The following USP24 variants were observed in gnomAD, a reference collection of about 807,000 sequenced individuals.
USP24 encodes ubiquitin carboxyl-terminal hydrolase 24.
A neutral mutation model predicts 361.6 loss-of-function variants in USP24; 97 were observed. That is an observed-to-expected ratio of 0.27 (90% CI 0.23 to 0.32). The LOEUF (loss-of-function observed/expected upper bound fraction) is 0.32. USP24 is among the 10% of genes least tolerant of loss of function. The probability of loss-of-function intolerance (pLI) is 1.00; values close to 1 mark genes in which losing one functional copy is unlikely to be tolerated. For synonymous variants in USP24, 1,098 were observed against 1,124.6 expected (o/e 0.98, Z 0.47); for missense variants, 2,353 against 3,165.6 (o/e 0.74, Z 6.16).
Position 55,092,060 on chromosome 1 carries a change from G to A in USP24, c.6517C>T (p.Leu2173Phe). Residue 2173 changes from leucine (L) to phenylalanine (F), a missense_variant, in exon 54 of 68, where the codon CTT becomes TTT. Coordinates refer to ENST00000294383, the MANE Select transcript of USP24 (RefSeq NM_015306.3). ...KVSLQLAIQFLFQTYLRTKKK... is the reference protein window; with the variant it reads ...KVSLQLAIQFFFQTYLRTKKK... ...TTTGTCCGTAGATAAGTTTGAAAAA[G>A]GAATTGAATAGCAAGCTGTAAGCTC... 1 of 1,612,148 alleles carries A rather than the reference G, an allele frequency of 6.2e-7. No homozygotes were observed. The highest frequency in any genetic ancestry group is 1.1e-5 in the South Asian group (1 of 90,606).
rs112026068 is a variant in USP24, at chr1:55,135,864, C to T, written c.3202-1451G>A. ...AAGCCTAAAAAGCAGAACAGTCTTA[C>T]GCAGCTTTGTACACCTGGAGTCCTA... is the stretch of plus-strand genomic sequence containing the variant. On this transcript the variant is annotated intron_variant, in intron 28 of 67. Coordinates refer to ENST00000294383, the MANE Select transcript of USP24 (RefSeq NM_015306.3). Among the ~76,000 whole-genome samples the T allele has an allele frequency of 1.4e-3, 219 of 152,224 alleles. 1 individual carries two copies. Among genetic ancestry groups the T allele is most frequent in the African/African-American group, 4.6e-3 (192 of 41,544 alleles).
At chr1:55,111,516 T>C (rs1304848019) in intron 38 of USP24, among the ~76,000 whole-genome samples, 1 of 152,066 alleles carries the variant, frequency 6.6e-6, no homozygotes, top group East Asian at 1.9e-4. Flanking sequence ...AAATAAAAAG[T>C]TCATCTGTTT....
At chr1:55,175,320 G>A (rs772395015) in intron 3 of USP24, among the ~76,000 whole-genome samples, 4 of 149,128 alleles carry the variant, frequency 2.7e-5, no homozygotes, top group Admixed American at 6.8e-5. Context: ...TCCACCTCCC[G>A]GGTTCAACAG....
intron 1 of USP24, among the ~76,000 whole-genome samples, chr1:55,200,278 T>C (rs557823097): frequency 6.6e-6 from 1 of 152,352 alleles, no homozygotes; most frequent in South Asian, 2.1e-4. Context: ...CAGAAGTTCC[T>C]AGAATAGTTG....
chr1:55,111,875 C>A (rs372804059), intron 38 of USP24, among the ~76,000 whole-genome samples: 212 of 151,906 alleles, frequency 1.4e-3, no homozygotes, highest in Non-Finnish European at 2.2e-3. Flanking sequence ...ATGTAGAAGC[C>A]GGGATACAGG....
chr1:55,078,680 A>G, intron 60 of USP24, 29 bp from the exon 61 acceptor site: 1 of 1,556,354 alleles, frequency 6.4e-7, no homozygotes, highest in Non-Finnish European at 8.7e-7. Context: ...ACAGTCAGCT[A>G]TTCTCATGTC....
intron 38 of USP24, among the ~76,000 whole-genome samples, chr1:55,120,319 T>C (rs938441700): frequency 3.9e-5 from 6 of 152,116 alleles, no homozygotes; most frequent in Non-Finnish European, 1.5e-5. Flanking sequence ...CGGGCTCCAA[T>C]AATTCCAGGC....
At chr1:55,093,900 G>A (rs1645436548) in intron 52 of USP24, 37 bp downstream of exon 52, 2 of 1,611,432 alleles carry the variant, frequency 1.2e-6, no homozygotes, top group Non-Finnish European at 1.7e-6. Context: ...ATGTCCACGT[G>A]GATATTCCCC....
intron 26 of USP24, 21 bp downstream of exon 26, chr1:55,138,586 GT>G: frequency 1.3e-6 from 2 of 1,520,348 alleles, no homozygotes; most frequent in Non-Finnish European, 9.1e-7. Flanking sequence ...GAAAATGGCT[GT>G]AGTTCTTAAT....
At chr1:55,144,237 C>G (rs767126027) in intron 20 of USP24, 34 bp from the exon 21 acceptor site, 114 of 1,386,480 alleles carry the variant, frequency 8.2e-5, no homozygotes, top group Non-Finnish European at 1.0e-4. Context: ...AATTCATGTA[C>G]TCTACGTAAC....
chr1:55,148,042 C>G (rs535017426), intron 17 of USP24, among the ~76,000 whole-genome samples: 32 of 151,732 alleles, frequency 2.1e-4, no homozygotes, highest in South Asian at 1.0e-3. Context: ...TTTTAAAAAG[C>G]CTATAAAAAT....
Position 55,107,262 on chromosome 1 carries a change from C to A in USP24, c.4739G>T (p.Cys1580Phe), listed in dbSNP as rs1297198123. ...LRLIKTLLSL[C>F]GAEKEMLGSS... is the part of the protein sequence containing the mutation. ...ACCAAGCATTTCCTTTTCTGCCCCA[C>A]AGAGTGAAAGAAGGGTCTTGATGAG... The change falls in exon 40 of 68, where the codon TGT becomes TTT. Residue 1580 changes from cysteine to phenylalanine, a missense_variant. Physicochemically the swap from Cys to Phe is radical, Grantham distance 205. Coordinates refer to ENST00000294383, the MANE Select transcript of USP24 (RefSeq NM_015306.3). 1.2e-6 allele frequency: 2 copies of A among 1,610,914 alleles called. No homozygotes were observed. The highest frequency in any genetic ancestry group is 1.7e-6 in the Non-Finnish European group (2 of 1,179,028).
At chr1:55,158,787 A>G in intron 10 of USP24, 91 bp downstream of exon 10, 1 of 1,106,100 alleles carries the variant, frequency 9.0e-7, no homozygotes, top group East Asian at 3.2e-5. Context: ...AATTATTCAT[A>G]TTTCCCAAAA....
chr1:55,079,742 T>C lies in USP24; in HGVS notation c.7079-83A>G. 7.1e-6 allele frequency: 9 copies of C among 1,272,998 alleles called. No homozygotes were observed. In the South Asian group the frequency reaches 1.5e-4, roughly 21 times the overall value. 78.9% of individuals were successfully genotyped at this position (1,272,998 alleles called of 1,614,324 possible). A position where few individuals can be genotyped will look rare whatever the true frequency, so the allele number is the denominator to read the frequency against. ...ATACACATCCATAAGAAAATGTGCC[T>C]CCTTCAAGACTCGCACACACACTGA... On this transcript the variant is annotated intron_variant, in intron 59 of 67. Transcript: ENST00000294383.
chr1:55,176,699 G>T (rs1346696244), intron 2 of USP24, among the ~76,000 whole-genome samples: 1 of 152,122 alleles, frequency 6.6e-6, no homozygotes, highest in East Asian at 1.9e-4. Flanking sequence ...AATACCAATT[G>T]AACTGAAATG....
intron 10 of USP24, 47 bp from the exon 11 acceptor site, chr1:55,157,417 A>G (rs1403182218): frequency 9.7e-7 from 1 of 1,035,442 alleles, no homozygotes; most frequent in South Asian, 1.7e-5. Context: ...ACATTATCAA[A>G]TATTTATATA....
In USP24 at chr1:55,092,679, C is replaced by G. The variant is rs146893953; in HGVS notation, c.6450+142G>C. 9.8e-6 allele frequency: 6 copies of G among 609,746 alleles called. No individual in the cohort carries two copies. The African/African-American group carries it at 1.2e-4, about 12-fold the overall frequency. 37.8% of individuals were successfully genotyped at this position (609,746 alleles called of 1,614,324 possible). On this transcript the variant is annotated intron_variant, in intron 53 of 67. Transcript: ENST00000294383. Reference sequence around the variant, plus strand: ...GCTTGCATTTTAATATTACCCAATACGGGCTACATTCACGGGAAAACCTTT... The same window carrying G: ...GCTTGCATTTTAATATTACCCAATAGGGGCTACATTCACGGGAAAACCTTT...
At position 55,083,929 on chromosome 1, in the gene USP24, G is replaced by A. The variant is rs139927808; in HGVS notation, c.6766-41C>T. 4.8e-5 allele frequency: 68 copies of A among 1,426,458 alleles called. No homozygotes were observed. In the African/African-American group the frequency reaches 7.2e-4, roughly 15 times the overall value. 88.4% of individuals were successfully genotyped at this position (1,426,458 alleles called of 1,614,324 possible). On this transcript the variant is annotated intron_variant, in intron 56 of 67. Transcript: ENST00000294383. Reference sequence around the variant, plus strand: ...ATAAAATTACATGAAGAAAAAGAACGTAAGACAGACATTTATAACAGGATT... The same window carrying A: ...ATAAAATTACATGAAGAAAAAGAACATAAGACAGACATTTATAACAGGATT...
intron 1 of USP24, among the ~76,000 whole-genome samples, chr1:55,191,464 T>A (rs1431020112): frequency 2.0e-5 from 3 of 151,452 alleles, no homozygotes; most frequent in Admixed American, 6.6e-5. Context: ...GCTTAGTATT[T>A]ACTTACTTAT....
Sources: allele counts gnomAD v4.1 joint callset (sites outside exome capture counted in the v4.1 genomes callset), GRCh38; gene constraint gnomAD v4.1.1; transcripts MANE v1.5; gene names NCBI Gene and HGNC (gene_info 2026-07-23, HGNC 2026-07-21).